Variants in GALC observed in about 807,000 individuals in gnomAD.
GALC encodes galactosylceramidase.
Under a neutral mutation model 91.8 loss-of-function variants are expected in GALC, and 77 were observed. The observed-to-expected ratio is 0.84, with a 90% CI of 0.70 to 1.01. GALC has a LOEUF of 1.01. GALC is among the 50% of genes least tolerant of loss of function. GALC has a pLI of 0.00. For missense variants in GALC, 882 were observed against 855.9 expected (o/e 1.03, Z -0.38); for synonymous variants, 357 against 306.7 (o/e 1.16, Z -1.71).
chr14:87,990,997 A>G (rs1202439206), intron 1 of GALC, among the ~76,000 whole-genome samples: 1 of 152,118 alleles, frequency 6.6e-6, no homozygotes, highest in African/African-American at 2.4e-5. Flanking sequence ...CATCATCCTA[A>G]GTACTTTAGG....
chr14:87,993,437 G>A, upstream of GALC: 1 of 1,535,842 alleles, frequency 6.5e-7, no homozygotes. Flanking sequence ...AGGGAAGGTG[G>A]ATTCCAAGGT....
chr14:87,944,732 G>A (rs1884995390), intron 14 of GALC, among the ~76,000 whole-genome samples: 3 of 151,952 alleles, frequency 2.0e-5, no homozygotes, highest in Admixed American at 2.0e-4. Flanking sequence ...CTTCAGGAGG[G>A]ATAAACACTT....
intron 6 of GALC, chr14:87,980,639 G>T (rs1298974325): frequency 8.9e-6 from 2 of 225,354 alleles, no homozygotes; most frequent in Non-Finnish European, 1.5e-5. Flanking sequence ...CCAGGGAGAG[G>T]TGTCATCTCC....
chr14:87,970,918 A>T (rs913265895), intron 7 of GALC, among the ~76,000 whole-genome samples: 1 of 151,726 alleles, frequency 6.6e-6, no homozygotes, highest in East Asian at 1.9e-4. Context: ...TTTAATGTAT[A>T]TAAGTAGGCA....
At position 87,988,452 on chromosome 14, in the gene GALC, T is replaced by G. The variant is rs1567014543; in HGVS notation, c.264+3A>C. The G allele has an allele frequency of 1.3e-6, 2 of 1,570,686 alleles. No homozygotes were observed. Among genetic ancestry groups the G allele is most frequent in the Non-Finnish European group, 1.8e-6 (2 of 1,140,756 alleles). On this transcript the variant is annotated splice_donor_region_variant and intron_variant, in intron 2 of 16. Coordinates refer to ENST00000261304, the MANE Select transcript of GALC (RefSeq NM_000153.4). The stretch of plus-strand genomic sequence containing the variant: ...TACCATGAAATAATTATGTTTTCAT[T>G]ACCTTAAAGAGATAATCCAATATCT...
intron 10 of GALC, chr14:87,952,532 T>C (rs1885355242): frequency 1.3e-6 from 1 of 770,626 alleles, no homozygotes. Flanking sequence ...AGTATCCTGT[T>C]GCTCCACTAA....
At chr14:87,953,357 A>G in intron 10 of GALC, 1 of 1,419,740 alleles carries the variant, frequency 7.0e-7, no homozygotes, top group Non-Finnish European at 9.9e-7. Flanking sequence ...TCTGAAGAGA[A>G]TTCCATTCAA....
chr14:87,937,193 C>T (rs550312336), intron 16 of GALC, among the ~76,000 whole-genome samples: 4 of 151,476 alleles, frequency 2.6e-5, no homozygotes, highest in Non-Finnish European at 5.9e-5. Context: ...TTTATTTACG[C>T]AAAGAAGATT....
chr14:87,989,060 G>C (rs1313063671), intron 1 of GALC, among the ~76,000 whole-genome samples: 3 of 152,112 alleles, frequency 2.0e-5, no homozygotes, highest in African/African-American at 7.2e-5. Flanking sequence ...GAAAGACAAG[G>C]GTAGACAGCG....
intron 10 of GALC, among the ~76,000 whole-genome samples, chr14:87,951,145 AATATAT>A (rs959724000): frequency 2.0e-5 from 3 of 150,794 alleles, no homozygotes; most frequent in African/African-American, 7.3e-5. Context: ...AGAAGTAAAA[AATATAT>A]ATATATATGT....
At chr14:87,953,470 A>T in intron 10 of GALC, 2 of 1,577,960 alleles carry the variant, frequency 1.3e-6, no homozygotes, top group Non-Finnish European at 1.7e-6. Flanking sequence ...CCACATTCAC[A>T]TAAACTCTGA....
intron 10 of GALC, chr14:87,954,230 T>C (rs1885424865): frequency 2.0e-6 from 3 of 1,536,804 alleles, no homozygotes; most frequent in East Asian, 2.3e-5. Context: ...GGGTGAACAG[T>C]ATAGACTTTA....
At chr14:87,966,573 G>C (rs938610516) in intron 8 of GALC, among the ~76,000 whole-genome samples, 4 of 152,116 alleles carry the variant, frequency 2.6e-5, no homozygotes, top group Admixed American at 2.6e-4. Flanking sequence ...AGAAATAATA[G>C]TCCTAATTTT....
chr14:87,971,328 G>A (rs1346914157), intron 7 of GALC, among the ~76,000 whole-genome samples: 1 of 152,150 alleles, frequency 6.6e-6, no homozygotes, highest in African/African-American at 2.4e-5. Flanking sequence ...GAGCATAGAA[G>A]ACCAACTCAG....
At chr14:87,944,495 A>G (rs1302797160) in intron 14 of GALC, among the ~76,000 whole-genome samples, 2 of 151,988 alleles carry the variant, frequency 1.3e-5, no homozygotes, top group African/African-American at 4.8e-5. Context: ...CCATAACTGG[A>G]AAATCTAGGT....
At chr14:87,975,113 T>G (rs922979240) in intron 7 of GALC, among the ~76,000 whole-genome samples, 1 of 151,986 alleles carries the variant, frequency 6.6e-6, no homozygotes, top group Admixed American at 6.6e-5. Context: ...AAAAAAAAAT[T>G]AAGCCTAAAT....
chr14:87,946,895 T>C (rs1356924703), intron 13 of GALC, among the ~76,000 whole-genome samples: 2 of 151,990 alleles, frequency 1.3e-5, no homozygotes, highest in East Asian at 3.9e-4. Flanking sequence ...ACTAGATCAT[T>C]TCCTGAGAAA....
At chr14:87,961,615 GT>G (rs1885808801) in intron 10 of GALC, among the ~76,000 whole-genome samples, 1 of 152,196 alleles carries the variant, frequency 6.6e-6, no homozygotes, top group Non-Finnish European at 1.5e-5. Context: ...GAAGCAGGAA[GT>G]TTACTCTCTG....
chr14:87,987,776 T>G (rs916033921), intron 3 of GALC: 3 of 170,014 alleles, frequency 1.8e-5, no homozygotes, highest in African/African-American at 7.2e-5. Flanking sequence ...TTACCACATA[T>G]TTTAAGTTAA....
Sources: gnomAD v4.1 joint callset for allele counts (sites outside exome capture counted in the v4.1 genomes callset) on GRCh38, gnomAD v4.1.1 for gene constraint, MANE v1.5 for transcripts, NCBI Gene and HGNC (gene_info 2026-07-23, HGNC 2026-07-21) for gene names.